The following CA5A variants were observed in gnomAD, a reference collection of about 807,000 sequenced individuals.
The protein encoded by CA5A is carbonic anhydrase 5A.
Under a neutral mutation model 37.1 loss-of-function variants are expected in CA5A, and 28 were observed. The observed-to-expected ratio is 0.75, with a 90% CI of 0.56 to 1.03. The LOEUF (loss-of-function observed/expected upper bound fraction) is 1.03, where lower values mean the gene tolerates loss of function less well. Ranked by LOEUF, CA5A falls within the 50% of genes least tolerant of loss-of-function variation. CA5A has a pLI of 0.00. For synonymous variants in CA5A, 171 were observed against 158.4 expected, an observed-to-expected ratio of 1.08 and a Z score of -0.60; for missense variants, 444 against 399.9, an observed-to-expected ratio of 1.11 and a Z score of -0.94.
At chr16:87,934,791 C>G (rs1035148033) in intron 1 of CA5A, among the ~76,000 whole-genome samples, 1 of 152,128 alleles carries the variant, frequency 6.6e-6, no homozygotes, top group Non-Finnish European at 1.5e-5. Flanking sequence ...GAAATCCTAT[C>G]TCTACTAAAA....
At chr16:87,884,521 C>T (rs140705219), downstream of CA5A, 1,252 of 148,634 alleles carry the variant, frequency 8.4e-3, 23 homozygotes, top group African/African-American at 0.03. Flanking sequence ...GAACCAAGAT[C>T]GCATCAATGC....
rs11314702 is a variant in CA5A at position 87,911,099 on chromosome 16, CA to C, written c.341-6196del. Among the ~76,000 whole-genome samples, 19,336 of 95,978 alleles carry C rather than the reference CA, an allele frequency of 0.2. 1,236 individuals carry two copies. Among genetic ancestry groups the C allele is most frequent in the South Asian group, 0.27 (846 of 3,166 alleles). The allele number at this position is 95,978 out of a possible 152,430, so 63.0% of individuals were successfully genotyped here. ...ACAATGTCAGGGTATTCTCCTTAAT[CA>C]AAAAAAAAAAAAAAAAAAAAGGCAA... is the stretch of plus-strand genomic sequence containing the variant. On this transcript the variant is annotated intron_variant, in intron 2 of 6. Coordinates refer to ENST00000649794, the MANE Select transcript of CA5A (RefSeq NM_001739.2). The surrounding 1 kb of genome is among the most constrained non-coding windows in gnomAD (Gnocchi z 4.6).
In CA5A at chr16:87,926,797, G is replaced by A; in HGVS notation, c.291C>T (p.Asn97=). 2 of 1,614,182 alleles carry A rather than the reference G, an allele frequency of 1.2e-6. No individual in the cohort carries two copies. Among genetic ancestry groups the A allele is most frequent in the Non-Finnish European group, 1.7e-6 (2 of 1,180,018 alleles). ...ATTCCACCTGGAAGAGGTAGCCAGTGTTCCAGATGTACAGGCAGGATGCCG... is the reference window on the plus strand; with the variant it reads ...ATTCCACCTGGAAGAGGTAGCCAGTATTCCAGATGTACAGGCAGGATGCCG... ...YEAASCLYIW[N]TGYLFQVEFD... Residue 97 remains asparagine, a synonymous_variant, in exon 2 of 7, where the codon AAC becomes AAT. Coordinates refer to ENST00000649794, the MANE Select transcript of CA5A (RefSeq NM_001739.2).
rs2056053261 is a variant in CA5A, at chr16:87,911,567, G to A, written c.341-6663C>T. The stretch of plus-strand genomic sequence containing the variant: ...TGCAAAGGACCGGCCTGCTTCCGGT[G>A]CCACTCTGGGAGGTAGTGCACGTTC... On this transcript the variant is annotated intron_variant, in intron 2 of 6. Coordinates refer to ENST00000649794, the MANE Select transcript of CA5A (RefSeq NM_001739.2). The surrounding 1 kb of genome is among the most constrained non-coding windows in gnomAD (Gnocchi z 4.6). 6.6e-6 allele frequency among the ~76,000 whole-genome samples: 1 copy of A among 152,122 alleles called. No homozygotes were observed. The highest frequency in any genetic ancestry group is 2.4e-5 in the African/African-American group (1 of 41,432).
chr16:87,925,046 A>G (rs1163601201), intron 2 of CA5A, among the ~76,000 whole-genome samples: 3 of 152,216 alleles, frequency 2.0e-5, no homozygotes, highest in African/African-American at 7.2e-5. Flanking sequence ...AAAATATCAA[A>G]TAAGACAAAG....
intron 1 of CA5A, among the ~76,000 whole-genome samples, chr16:87,933,367 T>C (rs1020535942): frequency 6.6e-6 from 1 of 152,136 alleles, no homozygotes; most frequent in Non-Finnish European, 1.5e-5. Context: ...CTAGAAAACA[T>C]TAAATGATCC....
At chr16:87,907,853 C>G (rs1032789814) in intron 2 of CA5A, among the ~76,000 whole-genome samples, 9 of 152,118 alleles carry the variant, frequency 5.9e-5, no homozygotes, top group East Asian at 1.9e-4. Flanking sequence ...TTGAACTTGG[C>G]AGGCGGAGGT....
chr16:87,926,343 C>T (rs1443713448), intron 2 of CA5A, among the ~76,000 whole-genome samples: 2 of 152,346 alleles, frequency 1.3e-5, no homozygotes, highest in South Asian at 2.1e-4. Flanking sequence ...CCTTGCAGGC[C>T]TCTGCCTAGA....
At chr16:87,901,878 C>T (rs373576729) in intron 5 of CA5A, 34 bp downstream of exon 5, 31 of 1,594,264 alleles carry the variant, frequency 1.9e-5, no homozygotes, top group Middle Eastern at 1.7e-4. Flanking sequence ...TGAGCCTCCG[C>T]GCCCGGCCTG....
At chr16:87,885,193 C>T, downstream of CA5A, 1 of 165,986 alleles carries the variant, frequency 6.0e-6, no homozygotes, top group Non-Finnish European at 1.3e-5. Context: ...CAAAACAAAA[C>T]AACAACAACA....
intron 1 of CA5A, among the ~76,000 whole-genome samples, chr16:87,928,438 C>T (rs759563937): frequency 2.6e-5 from 4 of 152,162 alleles, no homozygotes; most frequent in Non-Finnish European, 5.9e-5. Flanking sequence ...GCAGGCATCT[C>T]CCAAAGTGCT....
chr16:87,893,194 C>T, intron 5 of CA5A: 1 of 429,626 alleles, frequency 2.3e-6, no homozygotes, highest in Non-Finnish European at 4.2e-6. Context: ...GTGGTGCGAT[C>T]TCAGCTCACT....
At chr16:87,912,939 G>A (rs555500951) in intron 2 of CA5A, among the ~76,000 whole-genome samples, 45 of 152,282 alleles carry the variant, frequency 3.0e-4, no homozygotes, top group South Asian at 8.3e-4. Flanking sequence ...CAGGGTCGGC[G>A]CCGGTGGTGG....
At chr16:87,902,163 G>A (rs1337367101) in intron 4 of CA5A, among the ~76,000 whole-genome samples, 189 bp from the exon 5 acceptor site, 6 of 151,916 alleles carry the variant, frequency 3.9e-5, no homozygotes, top group Admixed American at 3.3e-4. Context: ...AAACCAGCCT[G>A]GCCAATATGG....
chr16:87,914,062 G>C (rs1302718333), intron 2 of CA5A, among the ~76,000 whole-genome samples: 3 of 152,228 alleles, frequency 2.0e-5, no homozygotes, highest in African/African-American at 7.2e-5. Context: ...TGCCAGGGCT[G>C]GGTCTGGGAA....
intron 3 of CA5A, among the ~76,000 whole-genome samples, chr16:87,903,973 A>G (rs1163334926): frequency 6.6e-6 from 1 of 152,138 alleles, no homozygotes; most frequent in African/African-American, 2.4e-5. Context: ...AACTACAAAA[A>G]CCAATTCCCA....
chr16:87,905,560 T>C (rs145917262), intron 2 of CA5A, among the ~76,000 whole-genome samples: 97 of 152,262 alleles, frequency 6.4e-4, no homozygotes, highest in African/African-American at 2.2e-3. Flanking sequence ...GGTTTCACCA[T>C]GTTAGCCAGG....
intron 2 of CA5A, among the ~76,000 whole-genome samples, chr16:87,916,770 G>A (rs547619675): frequency 1.2e-4 from 19 of 152,180 alleles, no homozygotes; most frequent in South Asian, 2.1e-4. Context: ...CAGGGGTCGC[G>A]GTGCACCTGG....
intron 3 of CA5A, among the ~76,000 whole-genome samples, chr16:87,904,062 C>G (rs1289254983): frequency 2.6e-5 from 4 of 152,160 alleles, no homozygotes; most frequent in African/African-American, 9.7e-5. Context: ...ATGATCTTAG[C>G]CGGGTACGGT....
Sources: allele counts gnomAD v4.1 joint callset (sites outside exome capture counted in the v4.1 genomes callset), GRCh38; gene constraint gnomAD v4.1.1; non-coding constraint Gnocchi (gnomAD v3.1); transcripts MANE v1.5; gene names NCBI Gene and HGNC (gene_info 2026-07-23, HGNC 2026-07-21).